TMEM164: variants seen among roughly 807,000 people sequenced by gnomAD.
TMEM164 encodes the protein RP13-360B22.2.
A neutral mutation model predicts 18.8 loss-of-function variants in TMEM164; 4 were observed. The ratio of observed to expected loss-of-function variants is 0.21; its 90% confidence interval spans 0.10 to 0.49. The LOEUF (loss-of-function observed/expected upper bound fraction) is 0.49, where lower values mean the gene tolerates loss of function less well. TMEM164 is among the 20% of genes least tolerant of loss of function. The pLI is 0.98. For missense variants in TMEM164, 108 were observed against 239.9 expected, an observed-to-expected ratio of 0.45 and a Z score of 3.63; for synonymous variants, 86 against 101.7, an observed-to-expected ratio of 0.85 and a Z score of 0.93.
chrX:110,153,814 A>G (rs1189477134), intron 5 of TMEM164, among the ~76,000 whole-genome samples: 1 of 111,606 alleles, frequency 9.0e-6, no homozygotes, highest in Non-Finnish European at 1.9e-5. Flanking sequence ...TCAGTAGTGT[A>G]TTTTATGCGT....
chrX:110,033,921 A>G (rs1224962418), intron 2 of TMEM164, among the ~76,000 whole-genome samples: 1 of 111,356 alleles, frequency 9.0e-6, no homozygotes, highest in Non-Finnish European at 1.9e-5. Context: ...CAGCTTTTAA[A>G]CTGCCTCTGC....
At chrX:110,056,515 T>G (rs1935840782) in intron 2 of TMEM164, among the ~76,000 whole-genome samples, 1 of 112,178 alleles carries the variant, frequency 8.9e-6, no homozygotes, top group Non-Finnish European at 1.9e-5. Context: ...GCACATAGGT[T>G]TTTATTTCCC....
chrX:110,003,277 G>C (rs1214912429), intron 1 of TMEM164, 99 bp downstream of exon 1: 1 of 115,811 alleles, frequency 8.6e-6, no homozygotes, highest in Admixed American at 9.0e-5. Context: ...GTGTCCCCTA[G>C]CTCTGACCCC....
At chrX:110,053,842 G>A (rs1160194419) in intron 2 of TMEM164, among the ~76,000 whole-genome samples, 2 of 112,001 alleles carry the variant, frequency 1.8e-5, no homozygotes, top group Admixed American at 9.5e-5. Context: ...TCCCTGAAAG[G>A]TCAAGCCCCT....
chrX:110,060,266 GAAAAAA>G (rs140796343), intron 2 of TMEM164, among the ~76,000 whole-genome samples: 6 of 51,505 alleles, frequency 1.2e-4, no homozygotes, highest in Non-Finnish European at 2.0e-4. Flanking sequence ...GACCCTGTCT[GAAAAAA>G]AAAAAAAAAA....
intron 2 of TMEM164, among the ~76,000 whole-genome samples, chrX:110,064,112 G>C (rs1269587241): frequency 9.0e-6 from 1 of 111,517 alleles, no homozygotes; most frequent in Admixed American, 9.5e-5. Flanking sequence ...ATGGGAAAGT[G>C]GAAGTGCTCT....
intron 2 of TMEM164, among the ~76,000 whole-genome samples, chrX:110,016,711 T>C (rs1360717192): frequency 1.8e-5 from 2 of 110,095 alleles, no homozygotes; most frequent in Non-Finnish European, 3.8e-5. Flanking sequence ...GGCTGGAGTG[T>C]AGTGGTATGA....
chrX:110,093,297 C>T (rs187550604), intron 3 of TMEM164, among the ~76,000 whole-genome samples: 17 of 111,756 alleles, frequency 1.5e-4, no homozygotes, highest in Admixed American at 9.5e-4. Flanking sequence ...TGGTAGAATT[C>T]GGCTGTGAAT....
chrX:110,145,849 G>T (rs2148066003), intron 5 of TMEM164, among the ~76,000 whole-genome samples: 1 of 111,765 alleles, frequency 8.9e-6, no homozygotes, highest in African/African-American at 3.3e-5. Context: ...TAGCCCCAAG[G>T]ACTGGTCAAC....
intron 2 of TMEM164, among the ~76,000 whole-genome samples, chrX:110,056,941 T>TTTTA (rs1935865217): frequency 9.3e-6 from 1 of 107,547 alleles, no homozygotes; most frequent in Non-Finnish European, 1.9e-5. Context: ...AACTTAATGA[T>TTTTA]TATATATATA....
chrX:110,066,822 C>T (rs193147771), intron 2 of TMEM164, among the ~76,000 whole-genome samples: 19 of 111,538 alleles, frequency 1.7e-4, no homozygotes, highest in African/African-American at 5.2e-4. Flanking sequence ...CAAAGGGAGG[C>T]TTGGAACCTG....
chrX:110,123,939 G>A (rs1293513900), intron 4 of TMEM164, among the ~76,000 whole-genome samples: 1 of 111,253 alleles, frequency 9.0e-6, no homozygotes, highest in East Asian at 2.8e-4. Flanking sequence ...TAGTGAGACC[G>A]GTCTCTACCA....
intron 2 of TMEM164, among the ~76,000 whole-genome samples, chrX:110,016,132 C>T (rs141273328): frequency 1.7e-4 from 19 of 112,710 alleles, no homozygotes; most frequent in African/African-American, 3.9e-4. Flanking sequence ...CTCAGATGGA[C>T]GCACATGGAA....
intron 2 of TMEM164, among the ~76,000 whole-genome samples, chrX:110,042,409 TTTTA>T (rs943586723): frequency 8.9e-6 from 1 of 112,305 alleles, no homozygotes; most frequent in African/African-American, 3.2e-5. Context: ...ATAGATCACA[TTTTA>T]TTTATCTGTC....
intron 3 of TMEM164, among the ~76,000 whole-genome samples, chrX:110,087,794 A>T (rs1219227220): frequency 9.0e-6 from 1 of 111,712 alleles, no homozygotes; most frequent in Admixed American, 9.5e-5. Flanking sequence ...CCAGGAAAGG[A>T]GTGGATCTGT....
chrX:110,041,590 A>C (rs1391080014), intron 2 of TMEM164, among the ~76,000 whole-genome samples: 2 of 111,674 alleles, frequency 1.8e-5, no homozygotes, highest in African/African-American at 6.5e-5. Flanking sequence ...TATCCAATTC[A>C]TGCAAAAGTG....
rs1000342322 is a variant in TMEM164, at chrX:110,132,669, G to A, written c.508-12129G>A. On this transcript the variant is annotated intron_variant, in intron 4 of 6. Transcript: ENST00000372068. ...TAGTATGATTCATTCCTGCCACAGA[G>A]TATAACTGTAGTTACAATTTCACTG... Among the ~76,000 whole-genome samples, 8 of 111,816 alleles carry A rather than the reference G, an allele frequency of 7.2e-5. No individual in the cohort carries two copies. The South Asian group carries it at 1.1e-3, about 16-fold the overall frequency.
At chrX:110,110,039 C>T (rs750507267) in intron 4 of TMEM164, among the ~76,000 whole-genome samples, 2 of 111,832 alleles carry the variant, frequency 1.8e-5, no homozygotes, top group Non-Finnish European at 1.9e-5. Context: ...CAAGGTTTTT[C>T]GCATAACAGT....
intron 2 of TMEM164, among the ~76,000 whole-genome samples, chrX:110,056,500 C>T (rs1935838665): frequency 8.9e-6 from 1 of 112,137 alleles, no homozygotes; most frequent in South Asian, 3.6e-4. Context: ...TGTAAGTTTT[C>T]AGGTGCACAT....
Sources: allele counts gnomAD v4.1 joint callset (sites outside exome capture counted in the v4.1 genomes callset), GRCh38; gene constraint gnomAD v4.1.1; transcripts MANE v1.5; gene names NCBI Gene and HGNC (gene_info 2026-07-23, HGNC 2026-07-21).